Variants in GRAMD1B observed in about 807,000 individuals in gnomAD.
GRAMD1B encodes the protein protein Aster-B.
A neutral mutation model predicts 99.7 loss-of-function variants in GRAMD1B; 37 were observed. That is an observed-to-expected ratio of 0.37 (90% CI 0.29 to 0.49). The LOEUF is 0.49. GRAMD1B is among the 20% of genes least tolerant of loss of function. GRAMD1B has a pLI of 0.98. For synonymous variants in GRAMD1B, 427 were observed against 387.6 expected (o/e 1.10, Z -1.19); for missense variants, 888 against 1,009.2 (o/e 0.88, Z 1.63).
intron 1 of GRAMD1B, among the ~76,000 whole-genome samples, chr11:123,478,354 G>A (rs772685895): frequency 1.1e-4 from 16 of 152,338 alleles, no homozygotes; most frequent in Non-Finnish European, 1.9e-4. Context: ...GATGCTTCGT[G>A]TACACATAGC....
chr11:123,390,145 A>AG (rs1051988882), intron 1 of GRAMD1B, among the ~76,000 whole-genome samples: 5 of 151,906 alleles, frequency 3.3e-5, no homozygotes, highest in African/African-American at 1.2e-4. Flanking sequence ...CATTAAAAAA[A>AG]AAAAAAGAGA....
At chr11:123,368,836 C>T (rs1045782815) in intron 1 of GRAMD1B, among the ~76,000 whole-genome samples, 3 of 151,770 alleles carry the variant, frequency 2.0e-5, no homozygotes, top group African/African-American at 7.3e-5. Flanking sequence ...TCAATGAAGT[C>T]CCAGGGTAAG....
intron 1 of GRAMD1B, among the ~76,000 whole-genome samples, chr11:123,408,397 C>G (rs1232087530): frequency 4.6e-5 from 7 of 152,162 alleles, no homozygotes; most frequent in Non-Finnish European, 7.4e-5. Context: ...CTGCATTGTT[C>G]TTACTTTGTG....
chr11:123,462,705 C>T (rs1448722455), intron 1 of GRAMD1B, among the ~76,000 whole-genome samples: 1 of 152,068 alleles, frequency 6.6e-6, no homozygotes, highest in Non-Finnish European at 1.5e-5. Flanking sequence ...AGAGTCATCA[C>T]CAATCCCTAA....
chr11:123,515,082 G>T (rs900716801), intron 2 of GRAMD1B, among the ~76,000 whole-genome samples: 1 of 152,198 alleles, frequency 6.6e-6, no homozygotes, highest in Admixed American at 6.5e-5. Flanking sequence ...CATATTTCAG[G>T]TGCTAGAACT....
At chr11:123,378,998 G>A (rs148979853) in intron 1 of GRAMD1B, among the ~76,000 whole-genome samples, 32 of 152,260 alleles carry the variant, frequency 2.1e-4, no homozygotes, top group African/African-American at 7.5e-4. Context: ...AGTTGGCAGG[G>A]CATGTGGAGT....
intron 2 of GRAMD1B, among the ~76,000 whole-genome samples, chr11:123,487,687 C>T (rs1056104269): frequency 1.3e-5 from 2 of 152,230 alleles, no homozygotes; most frequent in African/African-American, 4.8e-5. Context: ...TCACTGCAAC[C>T]TCCGCCTCCT....
In GRAMD1B at chr11:123,600,493, G is replaced by C. The variant is rs1207068677; in HGVS notation, c.995G>C (p.Arg332Pro). The C allele has an allele frequency of 6.2e-7, 1 of 1,611,226 alleles. No homozygotes were observed. The highest frequency in any genetic ancestry group is 8.5e-7 in the Non-Finnish European group (1 of 1,177,900). Residue 332 changes from arginine (R) to proline (P), a missense_variant, in exon 8 of 20, where the codon CGG becomes CCG. Transcript: ENST00000635736. Reference protein sequence around the residue: ...EKHFFTSFGARDRTYMMMFRL... With the variant: ...EKHFFTSFGAPDRTYMMMFRL... ...CACTTCTTCACTTCGTTTGGGGCCCGGGATAGGACATATATGATGATGTTC... is the reference window on the plus strand; with the variant it reads ...CACTTCTTCACTTCGTTTGGGGCCCCGGATAGGACATATATGATGATGTTC...
chr11:123,426,703 G>T (rs1470906122), upstream of GRAMD1B, among the ~76,000 whole-genome samples: 1 of 152,162 alleles, frequency 6.6e-6, no homozygotes, highest in Admixed American at 6.5e-5. Context: ...CTGTGTCTTT[G>T]GGAGTTCCCT....
chr11:123,505,624 A>G (rs1453917361), intron 2 of GRAMD1B, among the ~76,000 whole-genome samples: 1 of 152,158 alleles, frequency 6.6e-6, no homozygotes, highest in Non-Finnish European at 1.5e-5. Flanking sequence ...CTTATAGATG[A>G]GGAAATGGGG....
intron 1 of GRAMD1B, among the ~76,000 whole-genome samples, chr11:123,452,550 G>A (rs904363830): frequency 2.0e-5 from 3 of 152,102 alleles, no homozygotes; most frequent in Non-Finnish European, 2.9e-5. Context: ...GGAGTCTGAG[G>A]CAGCACAATT....
At chr11:123,598,441 G>A (rs1951555353) in intron 7 of GRAMD1B, 8 of 960,224 alleles carry the variant, frequency 8.3e-6, no homozygotes, top group Admixed American at 1.7e-5. Context: ...GTGAGATGTC[G>A]CTGTTCTCCG....
chr11:123,500,735 C>T (rs761342199), intron 2 of GRAMD1B, among the ~76,000 whole-genome samples: 6 of 152,038 alleles, frequency 3.9e-5, no homozygotes, highest in South Asian at 2.1e-4. Flanking sequence ...TGCAGTGGCG[C>T]GATCGCGGCT....
At chr11:123,368,381 G>A (rs184802124) in intron 1 of GRAMD1B, among the ~76,000 whole-genome samples, 320 of 151,838 alleles carry the variant, frequency 2.1e-3, no homozygotes, top group Non-Finnish European at 3.4e-3. Flanking sequence ...TGAAAAGTCA[G>A]GATTGAAAGA....
chr11:123,383,393 A>T (rs61904731), intron 1 of GRAMD1B, among the ~76,000 whole-genome samples: 2,866 of 152,348 alleles, frequency 0.019, 38 homozygotes, highest in Non-Finnish European at 0.029. Flanking sequence ...GCCTTGGGCT[A>T]GTTACTAACC....
At chr11:123,472,022 C>CT (rs1303404764) in intron 1 of GRAMD1B, among the ~76,000 whole-genome samples, 3 of 152,094 alleles carry the variant, frequency 2.0e-5, no homozygotes, top group African/African-American at 7.2e-5. Flanking sequence ...AATCCCAGCA[C>CT]TTTGGGAGGC....
chr11:123,514,157 A>G (rs1263302535), intron 2 of GRAMD1B, among the ~76,000 whole-genome samples: 2 of 152,212 alleles, frequency 1.3e-5, no homozygotes, highest in African/African-American at 2.4e-5. Flanking sequence ...TTATGGCAAC[A>G]CAAGGTAATA....
intron 2 of GRAMD1B, among the ~76,000 whole-genome samples, chr11:123,501,479 A>G (rs900900183): frequency 2.0e-5 from 3 of 152,258 alleles, no homozygotes; most frequent in South Asian, 2.1e-4. Flanking sequence ...CTGGAGCCCA[A>G]GTTCTTACTT....
At chr11:123,450,080 A>G (rs1389341701) in intron 1 of GRAMD1B, among the ~76,000 whole-genome samples, 8 of 152,116 alleles carry the variant, frequency 5.3e-5, no homozygotes, top group Admixed American at 3.3e-4. Context: ...TGGCATAGTT[A>G]GGTGGAGAGT....
Sources: gnomAD v4.1 joint callset for allele counts (sites outside exome capture counted in the v4.1 genomes callset) on GRCh38, gnomAD v4.1.1 for gene constraint, MANE v1.5 for transcripts, NCBI Gene and HGNC (gene_info 2026-07-23, HGNC 2026-07-21) for gene names.